The following STAG3 variants were observed in gnomAD, a reference collection of about 807,000 sequenced individuals.
STAG3 encodes STAG3 cohesin complex component.
STAG3 carries 101 observed loss-of-function variants against 160.7 expected under a neutral mutation model. The ratio of observed to expected loss-of-function variants is 0.63; its 90% CI spans 0.54 to 0.74. The LOEUF (loss-of-function observed/expected upper bound fraction) is 0.74, where lower values mean the gene tolerates loss of function less well. Among genes scored for constraint, STAG3 ranks in the 30% least tolerant of loss-of-function variants. The pLI, the probability that STAG3 is intolerant of heterozygous loss-of-function variation, is 0.00. For synonymous variants in STAG3, 519 were observed against 585.0 expected, an observed-to-expected ratio of 0.89 and a Z score of 1.63; for missense variants, 1,188 against 1,517.4, an observed-to-expected ratio of 0.78 and a Z score of 3.61.
At position 100,202,233 on chromosome 7, in the gene STAG3, G is replaced by A. The variant is rs752782533; in HGVS notation, c.2456G>A (p.Arg819His). 1.4e-5 allele frequency: 23 copies of A among 1,613,978 alleles called. No homozygotes were observed. Among genetic ancestry groups the A allele is most frequent in the African/African-American group, 8.0e-5 (6 of 74,882 alleles). Reference sequence around the variant, plus strand: ...AGCCCTCAGATGATTGTTGGGGGCCGTGATTTCCTTAGGCCACTTGTCTTT... The same window carrying A: ...AGCCCTCAGATGATTGTTGGGGGCCATGATTTCCTTAGGCCACTTGTCTTT... ...IFSPQMIVGG[R>H]DFLRPLVFFP... is the part of the protein sequence containing the mutation. Residue 819 changes from arginine (R) to histidine (H), a missense_variant, in exon 24 of 34, where the codon CGT (arginine) becomes CAT (histidine). Around this residue, in one of 4 missense-constraint regions of STAG3, gnomAD observed 647 missense variants for 717.2 expected, o/e 0.90. Coordinates refer to ENST00000615138, the MANE Select transcript of STAG3 (RefSeq NM_001282717.2).
intron 8 of STAG3, among the ~76,000 whole-genome samples, chr7:100,191,991 T>C (rs1328395006): frequency 1.3e-5 from 2 of 152,274 alleles, no homozygotes; most frequent in African/African-American, 2.4e-5. Flanking sequence ...CTTTCCTTGC[T>C]CATTCATAAG....
chr7:100,192,899 T>A (rs1800427861), intron 8 of STAG3, among the ~76,000 whole-genome samples: 1 of 151,858 alleles, frequency 6.6e-6, no homozygotes, highest in Non-Finnish European at 1.5e-5. Context: ...CCCCAGGAGG[T>A]TTTAAATGGA....
downstream of STAG3, among the ~76,000 whole-genome samples, chr7:100,217,188 C>A (rs974991856): frequency 1.3e-5 from 2 of 152,168 alleles, no homozygotes; most frequent in African/African-American, 2.4e-5. Flanking sequence ...TAGAATGTTT[C>A]TTTATTTCTA....
chr7:100,214,657 G>A (rs1195363125), downstream of STAG3, among the ~76,000 whole-genome samples: 5 of 152,218 alleles, frequency 3.3e-5, no homozygotes, highest in Non-Finnish European at 5.9e-5. Flanking sequence ...ACCTTGTGAA[G>A]CTACCTGTCT....
At chr7:100,184,505 G>T (rs1360052029) in intron 4 of STAG3, among the ~76,000 whole-genome samples, 2 of 97,052 alleles carry the variant, frequency 2.1e-5, no homozygotes, top group Non-Finnish European at 3.8e-5. Flanking sequence ...GTCTTGTTCT[G>T]TCGCCAGGCT....
At position 100,200,548 on chromosome 7, in the gene STAG3, G is replaced by A. The variant is rs1273100964; in HGVS notation, c.1860+6G>A. The A allele has an allele frequency of 6.2e-7, 1 of 1,613,594 alleles. No homozygotes were observed. Among genetic ancestry groups the A allele is most frequent in the African/African-American group, 1.3e-5 (1 of 74,908 alleles). On this transcript the variant is annotated splice_donor_region_variant and intron_variant, in intron 18 of 33. Transcript: ENST00000615138. ...GCACTGGGCGCTTGGAGAAGGTAGG[G>A]AGATAGATTTCCTATACCTTGCTGC...
chr7:100,208,924 C>G (rs1801912528), intron 29 of STAG3, among the ~76,000 whole-genome samples: 2 of 152,138 alleles, frequency 1.3e-5, no homozygotes, highest in South Asian at 2.1e-4. Flanking sequence ...TTAAAAGATA[C>G]ACTTAGGCAC....
chr7:100,206,304 CTG>C (rs1801649547), intron 29 of STAG3, among the ~76,000 whole-genome samples: 1 of 152,078 alleles, frequency 6.6e-6, no homozygotes, highest in Non-Finnish European at 1.5e-5. Context: ...GTGTGAGCCA[CTG>C]TGCCTGGCTG....
At chr7:100,180,824 AG>A (rs1243496551) in intron 2 of STAG3, 152 bp downstream of exon 2, 5 of 565,468 alleles carry the variant, frequency 8.8e-6, no homozygotes, top group Non-Finnish European at 1.6e-5. Context: ...CTCCAGCTCC[AG>A]GTGTTTTTTT....
chr7:100,204,781 A>T lies in STAG3; in HGVS notation c.2951+6A>T, dbSNP rs1801478526. On this transcript the variant is annotated splice_donor_region_variant and intron_variant, in intron 27 of 33. Transcript: ENST00000615138. ...CTCGTGGTCATGCTACACAAGTAGG[A>T]AGTATTGGTTGCAGGTTGTGTCCAG... The T allele has an allele frequency of 6.2e-7, 1 of 1,612,780 alleles. No homozygotes were observed.
In STAG3 at chr7:100,179,650, T is replaced by C. The variant is rs549727877; in HGVS notation, c.-64-843T>C. Among the ~76,000 whole-genome samples the C allele has an allele frequency of 8.5e-5, 13 of 152,336 alleles. No homozygotes were observed. The South Asian group carries it at 2.7e-3, about 32-fold the overall frequency. ...CCCTGGTGTGTGACTTCCTCAGCTT[T>C]TGGAGAGCAACTCCAAACCTGCTGG... On this transcript the variant is annotated intron_variant, in intron 1 of 33. Coordinates refer to ENST00000615138, the MANE Select transcript of STAG3 (RefSeq NM_001282717.2).
chr7:100,180,880 G>GTTTT (rs35965210), intron 2 of STAG3: 105 of 221,764 alleles, frequency 4.7e-4, no homozygotes, highest in Middle Eastern at 1.8e-3. Context: ...AGTACATCCT[G>GTTTT]TTTTTTTTTT....
chr7:100,196,384 G>A (rs951810794), intron 9 of STAG3, among the ~76,000 whole-genome samples: 10 of 151,596 alleles, frequency 6.6e-5, no homozygotes, highest in African/African-American at 2.4e-4. Flanking sequence ...GGGTTTAGGC[G>A]ATTCTTCTGC....
Position 100,182,840 on chromosome 7 carries a change from G to A in STAG3, c.336+1G>A, listed in dbSNP as rs1799739351. On this transcript the variant is annotated splice_donor_variant, in intron 4 of 33. Transcript: ENST00000615138. LOFTEE classifies it high-confidence loss of function. ...GAAAGCCGCCAAAAGTGACATGCAG[G>A]TAAAGCAGTGTCTCACCTCTGTTGA... 1 of 1,613,792 alleles carries A rather than the reference G, an allele frequency of 6.2e-7. No individual in the cohort carries two copies. Among genetic ancestry groups the A allele is most frequent in the African/African-American group, 1.3e-5 (1 of 74,902 alleles).
At chr7:100,203,923 G>C in intron 25 of STAG3, 98 bp from the exon 26 acceptor site, 1 of 756,054 alleles carries the variant, frequency 1.3e-6, no homozygotes, top group Non-Finnish European at 2.3e-6. Context: ...TCCTACCTAA[G>C]GGAGTTTGGG....
downstream of STAG3, among the ~76,000 whole-genome samples, chr7:100,216,657 T>C (rs1408637307): frequency 6.6e-6 from 1 of 151,182 alleles, no homozygotes; most frequent in African/African-American, 2.4e-5. Flanking sequence ...CAAAATTAGC[T>C]GGGTGTGGTG....
intron 8 of STAG3, among the ~76,000 whole-genome samples, chr7:100,193,156 G>T (rs565412386): frequency 1.2e-4 from 18 of 152,254 alleles, no homozygotes; most frequent in Non-Finnish European, 1.5e-5. Flanking sequence ...TGAGCAGTAG[G>T]CCTCACCCAT....
At chr7:100,193,348 G>A (rs11767968) in intron 8 of STAG3, among the ~76,000 whole-genome samples, 46,989 of 152,042 alleles carry the variant, frequency 0.31, 7,948 homozygotes, top group East Asian at 0.63. Flanking sequence ...AGCCCCTAAC[G>A]AGGAGTCAGG....
chr7:100,195,420 T>G lies in STAG3; in HGVS notation c.941+38T>G, dbSNP rs763285984. On this transcript the variant is annotated intron_variant, in intron 9 of 33. Coordinates refer to ENST00000615138, the MANE Select transcript of STAG3 (RefSeq NM_001282717.2). ...GCCTCTCTCATTGAAGCAGCTGGCC[T>G]TTGGTTATGGAATCTGAGGAAGTGA... 5.0e-6 allele frequency: 8 copies of G among 1,588,104 alleles called. No homozygotes were observed. The Admixed American group carries it at 1.4e-4, about 27-fold the overall frequency.
Sources: allele counts gnomAD v4.1 joint callset (sites outside exome capture counted in the v4.1 genomes callset), GRCh38; gene constraint gnomAD v4.1.1; regional missense constraint gnomAD v4.1.1; transcripts MANE v1.5; gene names NCBI Gene and HGNC (gene_info 2026-07-23, HGNC 2026-07-21).